Variants in EIF5A2 observed in about 807,000 individuals in gnomAD.
The protein encoded by EIF5A2 is eukaryotic translation initiation factor 5A-2.
A neutral mutation model predicts 16.4 loss-of-function variants in EIF5A2; 15 were observed. The ratio of observed to expected loss-of-function variants is 0.92; its 90% CI spans 0.61 to 1.41. The LOEUF (loss-of-function observed/expected upper bound fraction) is 1.41, where lower values mean the gene tolerates loss of function less well. EIF5A2 is among the 40% of genes most tolerant of loss of function. The pLI is 0.00. For missense variants in EIF5A2, 144 were observed against 189.5 expected (o/e 0.76, Z 1.41); for synonymous variants, 48 against 61.1 (o/e 0.79, Z 1.00).
At chr3:170,894,565 A>C in intron 3 of EIF5A2, 142 bp from the exon 4 acceptor site, 5 of 610,538 alleles carry the variant, frequency 8.2e-6, no homozygotes, top group Non-Finnish European at 1.3e-5. Flanking sequence ...AAATGCTAAA[A>C]ATATAAAAAA....
Position 170,892,543 on chromosome 3 carries a change from T to A in EIF5A2, c.*817A>T. On this transcript the variant is annotated 3_prime_UTR_variant, in exon 5 of 5. Coordinates refer to ENST00000295822, the MANE Select transcript of EIF5A2 (RefSeq NM_020390.6). Reference sequence around the variant, plus strand: ...CATAGTATCATGTAAAGCAGATCACTCCCTTTAAACGTTGGGGGCAAAGTT... The same window carrying A: ...CATAGTATCATGTAAAGCAGATCACACCCTTTAAACGTTGGGGGCAAAGTT... The A allele has an allele frequency of 2.8e-6, 1 of 361,980 alleles. No homozygotes were observed. The highest frequency in any genetic ancestry group is 4.9e-6 in the Non-Finnish European group (1 of 203,314). The allele number at this position is 361,980 out of a possible 1,614,324, so 22.4% of individuals were successfully genotyped here.
At chr3:170,894,503 T>G (rs928321594) in intron 3 of EIF5A2, 80 bp from the exon 4 acceptor site, 2 of 1,256,656 alleles carry the variant, frequency 1.6e-6, no homozygotes, top group African/African-American at 1.5e-5. Flanking sequence ...AAATTGCAAT[T>G]GATATTAATT....
chr3:170,898,375 CCCA>C (rs1268326363), intron 3 of EIF5A2, among the ~76,000 whole-genome samples: 2 of 152,052 alleles, frequency 1.3e-5, no homozygotes, highest in African/African-American at 4.8e-5. Flanking sequence ...AATTATAATC[CCCA>C]CATGTCAAGG....
intron 3 of EIF5A2, among the ~76,000 whole-genome samples, chr3:170,896,627 G>A (rs1027790152): frequency 6.6e-6 from 1 of 152,170 alleles, no homozygotes; most frequent in Non-Finnish European, 1.5e-5. Flanking sequence ...CCATAGCCAT[G>A]TGGAACTGTG....
chr3:170,894,469 C>T, intron 3 of EIF5A2, 46 bp from the exon 4 acceptor site: 1 of 1,581,798 alleles, frequency 6.3e-7, no homozygotes, highest in Non-Finnish European at 8.7e-7. Flanking sequence ...ATTATATCCA[C>T]TTCTGTGTAA....
At chr3:170,896,396 C>A (rs1409368921) in intron 3 of EIF5A2, among the ~76,000 whole-genome samples, 1 of 152,116 alleles carries the variant, frequency 6.6e-6, no homozygotes, top group African/African-American at 2.4e-5. Context: ...TCTGTGTCCC[C>A]ACCCAAATCT....
At chr3:170,907,558 A>G (rs918385670) in intron 2 of EIF5A2, 84 bp downstream of exon 2, 20 of 1,386,002 alleles carry the variant, frequency 1.4e-5, no homozygotes, top group Non-Finnish European at 1.8e-5. Context: ...AATTTTAAGT[A>G]TAGAAATCTC....
At chr3:170,894,446 T>A (rs373445923) in intron 3 of EIF5A2, 23 bp from the exon 4 acceptor site, 2 of 1,611,574 alleles carry the variant, frequency 1.2e-6, no homozygotes, top group African/African-American at 2.7e-5. Flanking sequence ...ATTATATCAT[T>A]TGTGCTGATT....
chr3:170,897,135 C>T (rs1712694110), intron 3 of EIF5A2, among the ~76,000 whole-genome samples: 1 of 152,164 alleles, frequency 6.6e-6, no homozygotes. Flanking sequence ...TGAAAGTGTA[C>T]AGTCATATGC....
chr3:170,900,186 T>C (rs1345357692), intron 3 of EIF5A2, among the ~76,000 whole-genome samples: 3 of 151,550 alleles, frequency 2.0e-5, no homozygotes, highest in Non-Finnish European at 4.4e-5. Context: ...ACCTGGCCAA[T>C]ATGGCAAAAC....
intron 3 of EIF5A2, 23 bp downstream of exon 3, chr3:170,906,966 T>C (rs1321265965): frequency 6.7e-7 from 1 of 1,500,560 alleles, no homozygotes; most frequent in Non-Finnish European, 9.2e-7. Flanking sequence ...ACAAGCAACA[T>C]TCTAAAGAAA....
intron 4 of EIF5A2, among the ~76,000 whole-genome samples, chr3:170,893,818 A>C (rs1712593459): frequency 6.6e-6 from 1 of 152,180 alleles, no homozygotes; most frequent in Admixed American, 6.5e-5. Context: ...GGATCACCTG[A>C]GGTCAGGAGT....
intron 3 of EIF5A2, among the ~76,000 whole-genome samples, chr3:170,898,834 A>T (rs1046947292): frequency 6.6e-6 from 1 of 150,662 alleles, no homozygotes; most frequent in Non-Finnish European, 1.5e-5. Context: ...GTATACATCC[A>T]ATATATATAT....
chr3:170,890,758 A>C lies in EIF5A2; in HGVS notation c.*2602T>G, dbSNP rs1712513331. 6.6e-6 allele frequency: 1 copy of C among 152,602 alleles called. No individual in the cohort carries two copies. The highest frequency in any genetic ancestry group is 1.5e-5 in the Non-Finnish European group (1 of 67,984). 9.5% of individuals were successfully genotyped at this position (152,602 alleles called of 1,614,324 possible). A position where few individuals can be genotyped will look rare whatever the true frequency, so the allele number is the denominator to read the frequency against. On this transcript the variant is annotated 3_prime_UTR_variant, in exon 5 of 5. Coordinates refer to ENST00000295822, the MANE Select transcript of EIF5A2 (RefSeq NM_020390.6). ...ACTCGTGATTTTTAACATTTGCTACAAAAAAGTACAACAAATATTGGGAAT... is the reference window on the plus strand; with the variant it reads ...ACTCGTGATTTTTAACATTTGCTACCAAAAAGTACAACAAATATTGGGAAT...
intron 1 of EIF5A2, among the ~76,000 whole-genome samples, 176 bp downstream of exon 1, chr3:170,908,367 G>A (rs555782434): frequency 6.6e-6 from 1 of 152,254 alleles, no homozygotes; most frequent in South Asian, 2.1e-4. Context: ...AGCTCGGCCC[G>A]GCCCGGCCCC....
intron 4 of EIF5A2, 47 bp downstream of exon 4, chr3:170,894,245 G>T (rs1712610837): frequency 6.3e-7 from 1 of 1,595,734 alleles, no homozygotes. Context: ...TGAGGTCAAA[G>T]TTTTTATAAA....
intron 3 of EIF5A2, among the ~76,000 whole-genome samples, chr3:170,894,891 T>C (rs997331045): frequency 3.3e-5 from 5 of 151,734 alleles, no homozygotes; most frequent in African/African-American, 1.2e-4. Context: ...CCAGGTGTGG[T>C]GGCAGACACC....
intron 3 of EIF5A2, 125 bp from the exon 4 acceptor site, chr3:170,894,548 G>A: frequency 1.4e-6 from 1 of 712,510 alleles, no homozygotes; most frequent in Non-Finnish European, 2.1e-6. Context: ...AATATTCTTG[G>A]TATTTAAAAT....
intron 3 of EIF5A2, among the ~76,000 whole-genome samples, chr3:170,899,825 A>G (rs889524906): frequency 6.6e-6 from 1 of 151,940 alleles, no homozygotes; most frequent in Non-Finnish European, 1.5e-5. Flanking sequence ...CTCTGACTCC[A>G]TAGAGTTGGA....
Sources: allele counts gnomAD v4.1 joint callset (sites outside exome capture counted in the v4.1 genomes callset), GRCh38; gene constraint gnomAD v4.1.1; transcripts MANE v1.5; gene names NCBI Gene and HGNC (gene_info 2026-07-23, HGNC 2026-07-21).